JADE3: variants seen among roughly 807,000 people sequenced by gnomAD.
JADE3 encodes the protein jade family PHD finger 3, also known as protein Jade-3.
In JADE3, 2 loss-of-function variants were observed where a neutral mutation model predicts 50.1. The ratio of observed to expected loss-of-function variants is 0.04; its 90% CI spans 0.02 to 0.13. JADE3 has a LOEUF of 0.13. Ranked by LOEUF, JADE3 falls within the 10% of genes least tolerant of loss-of-function variation. The probability of loss-of-function intolerance (pLI) is 1.00; values close to 1 mark genes in which losing one functional copy is unlikely to be tolerated. For synonymous variants in JADE3, 218 were observed against 232.9 expected (o/e 0.94, Z 0.58); for missense variants, 475 against 634.4 (o/e 0.75, Z 2.70).
intron 4 of JADE3, among the ~76,000 whole-genome samples, chrX:47,001,585 A>T (rs782489743): frequency 1.3e-4 from 14 of 111,732 alleles, no homozygotes; most frequent in Non-Finnish European, 2.6e-4. Context: ...GCTGCTTATC[A>T]CAGCAACCCT....
intron 4 of JADE3, among the ~76,000 whole-genome samples, chrX:47,004,530 A>C: frequency 8.9e-6 from 1 of 112,007 alleles, no homozygotes; most frequent in South Asian, 3.7e-4. Context: ...TCCTAAGCCC[A>C]AGCAATCTTC....
intron 1 of JADE3, among the ~76,000 whole-genome samples, chrX:46,921,343 T>C (rs1212813804): frequency 8.9e-6 from 1 of 112,742 alleles, no homozygotes; most frequent in Non-Finnish European, 1.9e-5. Context: ...CTTCCCAAAG[T>C]GTTGGAATTA....
intron 1 of JADE3, among the ~76,000 whole-genome samples, chrX:46,943,317 A>T (rs915505610): frequency 4.5e-5 from 5 of 111,363 alleles, no homozygotes; most frequent in African/African-American, 1.6e-4. Flanking sequence ...CCCATTGATT[A>T]TGGTGTTGGC....
intron 1 of JADE3, among the ~76,000 whole-genome samples, chrX:46,957,641 A>G (rs975595714): frequency 8.9e-6 from 1 of 112,396 alleles, no homozygotes; most frequent in African/African-American, 3.2e-5. Context: ...AATAACTACA[A>G]TAAGCTCTCC....
At chrX:47,036,613 A>C (rs1356052511) in intron 7 of JADE3, among the ~76,000 whole-genome samples, 4 of 102,300 alleles carry the variant, frequency 3.9e-5, no homozygotes, top group Non-Finnish European at 6.0e-5. Flanking sequence ...TACTGGGTAT[A>C]TACCCAAAGG....
intron 8 of JADE3, 74 bp from the exon 9 acceptor site, chrX:47,054,084 A>T: frequency 2.9e-6 from 2 of 694,974 alleles, no homozygotes; most frequent in Non-Finnish European, 4.3e-6. Context: ...CAAGCTATCA[A>T]TTTAGGTCCA....
rs1162213870 is a variant in JADE3 at position 47,003,607 on chromosome X, ATG to A, written c.284+5332_284+5333del. Among the ~76,000 whole-genome samples, 26 of 102,059 alleles carry A rather than the reference ATG, an allele frequency of 2.5e-4. No individual in the cohort carries two copies. In the East Asian group the frequency reaches 5.8e-3, roughly 23 times the overall value. 88.6% of individuals were successfully genotyped at this position (102,059 alleles called of 115,157 possible). ...ATATAAAAATAATTATATATAATTA[ATG>A]TATATATATAAATTTATATATTTAT... On this transcript the variant is annotated intron_variant, in intron 4 of 10. Coordinates refer to ENST00000614628, the MANE Select transcript of JADE3 (RefSeq NM_014735.5).
At chrX:46,953,220 C>T (rs1464996334) in intron 1 of JADE3, among the ~76,000 whole-genome samples, 2 of 101,746 alleles carry the variant, frequency 2.0e-5, no homozygotes, top group Non-Finnish European at 4.0e-5. Context: ...CGCCCCCCAC[C>T]GCCACCTCAC....
chrX:47,042,727 C>A (rs1181035601), intron 8 of JADE3, among the ~76,000 whole-genome samples: 2 of 111,446 alleles, frequency 1.8e-5, no homozygotes, highest in East Asian at 2.8e-4. Flanking sequence ...TGACTCCAGG[C>A]CTTGGGTCCC....
chrX:47,057,724 C>T (rs1929657201), intron 10 of JADE3, among the ~76,000 whole-genome samples: 1 of 111,771 alleles, frequency 8.9e-6, no homozygotes, highest in South Asian at 3.8e-4. Flanking sequence ...TTCAGGAAGG[C>T]CAGAAGAGAT....
chrX:46,958,832 G>T (rs1257855588), intron 1 of JADE3, among the ~76,000 whole-genome samples: 1 of 112,019 alleles, frequency 8.9e-6, no homozygotes, highest in Non-Finnish European at 1.9e-5. Flanking sequence ...GGGAGATCTG[G>T]TTTGAGTTTC....
chrX:46,921,945 G>T (rs1926230678), intron 1 of JADE3, among the ~76,000 whole-genome samples: 1 of 102,513 alleles, frequency 9.8e-6, no homozygotes, highest in African/African-American at 3.6e-5. Flanking sequence ...AATACCTTAA[G>T]TTCTGGGATA....
intron 6 of JADE3, 77 bp downstream of exon 6, chrX:47,028,180 C>A: frequency 1.5e-6 from 1 of 682,490 alleles, no homozygotes; most frequent in Non-Finnish European, 2.3e-6. Context: ...GCACGCATAT[C>A]TGGGTAGCAG....
At chrX:47,006,808 A>G (rs1189920383) in intron 4 of JADE3, among the ~76,000 whole-genome samples, 1 of 110,278 alleles carries the variant, frequency 9.1e-6, no homozygotes, top group Non-Finnish European at 1.9e-5. Flanking sequence ...ATAAATTTTG[A>G]TATGTTGAAT....
At chrX:46,929,525 G>A (rs1331673318) in intron 1 of JADE3, among the ~76,000 whole-genome samples, 1 of 111,182 alleles carries the variant, frequency 9.0e-6, no homozygotes, top group African/African-American at 3.3e-5. Flanking sequence ...TTCCAAGTCC[G>A]ACTCAACTTC....
intron 1 of JADE3, among the ~76,000 whole-genome samples, chrX:46,918,620 G>A (rs1556337088): frequency 9.0e-6 from 1 of 111,727 alleles, no homozygotes; most frequent in Non-Finnish European, 1.9e-5. Flanking sequence ...TAGCTTTTTG[G>A]GGGAGGGTGG....
intron 4 of JADE3, among the ~76,000 whole-genome samples, chrX:47,020,320 G>GACTT (rs1928768905): frequency 9.5e-6 from 1 of 105,638 alleles, no homozygotes; most frequent in African/African-American, 3.5e-5. Flanking sequence ...AACAGAGTGA[G>GACTT]ACTTGGTCTC....
Position 47,059,129 on chromosome X carries a change from G to C in JADE3, c.*52G>C. Reference sequence around the variant, plus strand: ...CTTTGCCTTTGCCCCATATATTGGGGAAAACCCATACACCAAAAGGATTTT... The same window carrying C: ...CTTTGCCTTTGCCCCATATATTGGGCAAAACCCATACACCAAAAGGATTTT... On this transcript the variant is annotated 3_prime_UTR_variant, in exon 11 of 11. Coordinates refer to ENST00000614628, the MANE Select transcript of JADE3 (RefSeq NM_014735.5). 2 of 920,353 alleles carry C rather than the reference G, an allele frequency of 2.2e-6. No homozygotes were observed. The highest frequency in any genetic ancestry group is 3.0e-6 in the Non-Finnish European group (2 of 672,056). The allele number at this position is 920,353 out of a possible 1,213,427, so 75.8% of individuals were successfully genotyped here.
intron 6 of JADE3, 66 bp from the exon 7 acceptor site, chrX:47,033,555 C>A (rs1929066484): frequency 2.1e-6 from 2 of 934,088 alleles, no homozygotes; most frequent in Non-Finnish European, 3.0e-6. Flanking sequence ...GACTGTGTAT[C>A]AGAACAGATA....
Sources: allele counts gnomAD v4.1 joint callset (sites outside exome capture counted in the v4.1 genomes callset), GRCh38; gene constraint gnomAD v4.1.1; transcripts MANE v1.5; gene names NCBI Gene and HGNC (gene_info 2026-07-23, HGNC 2026-07-21).